The following TCEANC variants were observed in gnomAD, a reference collection of about 807,000 sequenced individuals.
The protein encoded by TCEANC is transcription elongation factor A N-terminal and central domain containing.
Under a neutral mutation model 8.7 loss-of-function variants are expected in TCEANC, and 8 were observed. That is an observed-to-expected ratio of 0.92 (90% confidence interval 0.54 to 1.65). The LOEUF is 1.65. Among genes scored for constraint, TCEANC ranks in the 40% most tolerant of loss-of-function variants. The probability of loss-of-function intolerance (pLI) is 0.00; values close to 1 mark genes in which losing one functional copy is unlikely to be tolerated. For synonymous variants in TCEANC, 78 were observed against 92.9 expected (o/e 0.84, Z 0.92); for missense variants, 255 against 251.9 (o/e 1.01, Z -0.08).
At chrX:13,659,743 G>C (rs5935646) in intron 1 of TCEANC, 1 of 112,882 alleles carries the variant, frequency 8.9e-6, no homozygotes, top group Non-Finnish European at 1.9e-5. Context: ...CTCCTGCCTC[G>C]GCCTTCCGAG....
chrX:13,656,880 A>T lies in TCEANC; in HGVS notation c.-9+1507A>T, dbSNP rs567917629. 3.5e-5 allele frequency among the ~76,000 whole-genome samples: 4 copies of T among 112,880 alleles called. No homozygotes were observed. In the South Asian group the frequency reaches 1.4e-3, roughly 41 times the overall value. ...AGAAATACTGTATGATTCCACTCAC[A>T]TGAAGTACCTAGAGTAGTCTCATCC... On this transcript the variant is annotated intron_variant, in intron 1 of 1. Coordinates refer to ENST00000380600, the Ensembl canonical transcript of TCEANC.
At chrX:13,659,146 A>G (rs2045946210) in intron 1 of TCEANC, among the ~76,000 whole-genome samples, 1 of 112,413 alleles carries the variant, frequency 8.9e-6, no homozygotes, top group African/African-American at 3.2e-5. Context: ...CAGTTGTGTC[A>G]CAGTGATAAA....
In TCEANC at chrX:13,657,606, G is replaced by A. The variant is rs1186844035; in HGVS notation, c.-9+2233G>A. The stretch of plus-strand genomic sequence containing the variant: ...GTGGATCACCTGAGGTCAGGAGTTC[G>A]AGACCAGGCTGGCCAACATGATGAA... On this transcript the variant is annotated intron_variant, in intron 1 of 1. Transcript: ENST00000380600. 5.4e-5 allele frequency among the ~76,000 whole-genome samples: 6 copies of A among 110,593 alleles called. No homozygotes were observed. In the South Asian group the frequency reaches 1.5e-3, roughly 28 times the overall value.
At chrX:13,659,390 G>A (rs1005365009) in intron 1 of TCEANC, among the ~76,000 whole-genome samples, 6 of 111,975 alleles carry the variant, frequency 5.4e-5, no homozygotes, top group African/African-American at 1.9e-4. Context: ...TGAGTTTCAA[G>A]GTAATTCTTA....
At chrX:13,657,795 G>A (rs1322125612) in intron 1 of TCEANC, among the ~76,000 whole-genome samples, 8 of 87,284 alleles carry the variant, frequency 9.2e-5, no homozygotes, top group East Asian at 3.6e-4. Context: ...GTGACAGAGC[G>A]AGACTCCATC....
At chrX:13,662,262 A>G (rs998663119) in intron 1 of TCEANC, among the ~76,000 whole-genome samples, 7 of 112,009 alleles carry the variant, frequency 6.2e-5, no homozygotes, top group Admixed American at 1.9e-4. Flanking sequence ...AGCAGATGTT[A>G]TGTAGAGGCT....
At position 13,663,383 on chromosome X, in the gene TCEANC, CAA is replaced by C; in HGVS notation, c.877_878del (p.Asn293Ter). The C allele has an allele frequency of 8.4e-7, 1 of 1,192,910 alleles. No homozygotes were observed. Among genetic ancestry groups the C allele is most frequent in the Non-Finnish European group, 1.1e-6 (1 of 885,667 alleles). On this transcript the variant is annotated frameshift_variant, in exon 2 of 2. Coordinates refer to ENST00000380600, the Ensembl canonical transcript of TCEANC. LOFTEE classifies it high-confidence loss of function. ...CCCCAAGTAATTGATGGCACACAGA[CAA>C]ATAAAATAAAATGCAGACGCTGTGA...
At chrX:13,663,055 G>A (rs767098345) in exon 2 of TCEANC, 6 of 1,211,510 alleles carry the variant, frequency 5.0e-6, no homozygotes, top group Admixed American at 4.3e-5. Flanking sequence ...GCTTCTTTAC[G>A]CAGCTTTAAC....
intron 1 of TCEANC, among the ~76,000 whole-genome samples, chrX:13,661,341 G>A (rs1161593810): frequency 1.8e-5 from 2 of 111,711 alleles, no homozygotes; most frequent in Admixed American, 9.5e-5. Context: ...TTTCTCCTTA[G>A]AAGAAAATTC....
intron 1 of TCEANC, among the ~76,000 whole-genome samples, chrX:13,660,615 G>C (rs1006305764): frequency 2.7e-5 from 3 of 112,553 alleles, no homozygotes; most frequent in Middle Eastern, 4.6e-3. Context: ...CATCCATGTT[G>C]TAACTGTATC....
At chrX:13,654,537 G>A (rs2045908937), upstream of TCEANC, among the ~76,000 whole-genome samples, 1 of 112,346 alleles carries the variant, frequency 8.9e-6, no homozygotes, top group African/African-American at 3.2e-5. Flanking sequence ...TGCCTGGTTT[G>A]GTAGATATTT....
At chrX:13,653,236 G>T (rs1266567230), upstream of TCEANC, 3 of 113,079 alleles carry the variant, frequency 2.7e-5, no homozygotes, top group South Asian at 3.6e-4. Context: ...GCAAAAAGGC[G>T]AGCCCTTATT....
chrX:13,660,490 T>C (rs1703349016), intron 1 of TCEANC, among the ~76,000 whole-genome samples: 1 of 112,160 alleles, frequency 8.9e-6, no homozygotes, highest in South Asian at 3.7e-4. Context: ...CAACAACTGA[T>C]CTATTTTCTG....
intron 1 of TCEANC, among the ~76,000 whole-genome samples, chrX:13,655,996 G>A (rs1333348947): frequency 8.9e-6 from 1 of 112,537 alleles, no homozygotes; most frequent in Non-Finnish European, 1.9e-5. Flanking sequence ...GGAAAATGAG[G>A]GAGTATCTTT....
At chrX:13,662,635 C>G (rs942798965) in exon 2 of TCEANC, 1 of 1,211,696 alleles carries the variant, frequency 8.3e-7, no homozygotes, top group Non-Finnish European at 1.1e-6. Context: ...TAAGGAGCAT[C>G]TCCAGGAGAC....
exon 2 of TCEANC, chrX:13,662,973 C>T (rs1453242281): frequency 8.3e-7 from 1 of 1,208,968 alleles, no homozygotes; most frequent in Non-Finnish European, 1.1e-6. Context: ...GGGATGGTGA[C>T]CCTGAATCCA....
At position 13,658,155 on chromosome X, in the gene TCEANC, A is replaced by C. The variant is rs188065114; in HGVS notation, c.-9+2782A>C. 3.3e-3 allele frequency among the ~76,000 whole-genome samples: 374 copies of C among 112,146 alleles called. 2 individuals carry two copies. Among genetic ancestry groups the C allele is most frequent in the Non-Finnish European group, 5.9e-3 (314 of 53,188 alleles). On this transcript the variant is annotated intron_variant, in intron 1 of 1. Coordinates refer to ENST00000380600, the Ensembl canonical transcript of TCEANC. ...ACTTGGTGGGGTGGGACAGAAGGGC[A>C]GTGGAGTGAAGAAAGAGGAGTGGCT...
exon 2 of TCEANC, chrX:13,663,743 G>A: frequency 2.3e-6 from 1 of 441,095 alleles, no homozygotes; most frequent in Non-Finnish European, 3.8e-6. Flanking sequence ...GAGAGGGAGT[G>A]GATGACTATT....
intron 1 of TCEANC, among the ~76,000 whole-genome samples, chrX:13,660,403 T>C (rs1193920850): frequency 9.0e-6 from 1 of 111,668 alleles, no homozygotes; most frequent in East Asian, 2.8e-4. Context: ...TGCCACCACC[T>C]CCCAAGAAAA....
Sources: allele counts gnomAD v4.1 joint callset (sites outside exome capture counted in the v4.1 genomes callset), GRCh38; gene constraint gnomAD v4.1.1; transcripts MANE v1.5; gene names NCBI Gene and HGNC (gene_info 2026-07-23, HGNC 2026-07-21).